The following ASIC2 variants were observed in gnomAD, a reference collection of about 807,000 sequenced individuals.
ASIC2 encodes the protein acid sensing ion channel subunit 2, also known as acid-sensing ion channel 2.
ASIC2 carries 25 observed loss-of-function variants against 57.3 expected under a neutral mutation model. The ratio of observed to expected loss-of-function variants is 0.44; its 90% CI spans 0.32 to 0.61. The LOEUF (loss-of-function observed/expected upper bound fraction) is 0.61, where lower values mean the gene tolerates loss of function less well. Ranked by LOEUF, ASIC2 falls within the 20% of genes least tolerant of loss-of-function variation. The pLI is 0.06. For missense variants in ASIC2, 641 were observed against 738.1 expected (o/e 0.87, Z 1.52); for synonymous variants, 319 against 307.5 (o/e 1.04, Z -0.39).
chr17:33,519,826 C>T (rs2141954410), intron 1 of ASIC2, among the ~76,000 whole-genome samples: 1 of 152,338 alleles, frequency 6.6e-6, no homozygotes, highest in East Asian at 1.9e-4. Flanking sequence ...GTTGCTGTAA[C>T]CGAGAGTGAG....
At chr17:33,826,946 A>G (rs933378978) in intron 1 of ASIC2, among the ~76,000 whole-genome samples, 7 of 152,220 alleles carry the variant, frequency 4.6e-5, no homozygotes, top group Non-Finnish European at 8.8e-5. Flanking sequence ...AGAATGGAGA[A>G]ACCTTTATGT....
intron 1 of ASIC2, among the ~76,000 whole-genome samples, chr17:34,103,369 G>T (rs1020249420): frequency 3.3e-5 from 5 of 152,022 alleles, no homozygotes; most frequent in Admixed American, 2.6e-4. Flanking sequence ...GCCCAGGCTG[G>T]TCTCAAATTC....
chr17:34,085,885 T>G (rs1193935958), intron 1 of ASIC2, among the ~76,000 whole-genome samples: 1 of 151,690 alleles, frequency 6.6e-6, no homozygotes, highest in African/African-American at 2.4e-5. Context: ...GGTGGTGACA[T>G]CCCCTTTATC....
chr17:33,624,896 A>G (rs1042365101), intron 1 of ASIC2, among the ~76,000 whole-genome samples: 2 of 152,220 alleles, frequency 1.3e-5, no homozygotes, highest in Admixed American at 1.3e-4. Flanking sequence ...TATGTCAAGA[A>G]CTAAGCTAGC....
chr17:34,061,715 C>T (rs1205199881), intron 1 of ASIC2, among the ~76,000 whole-genome samples: 2 of 152,014 alleles, frequency 1.3e-5, no homozygotes, highest in African/African-American at 4.8e-5. Context: ...AAAGTGAACA[C>T]GGGTAGCTAT....
intron 1 of ASIC2, among the ~76,000 whole-genome samples, chr17:33,872,925 TG>T (rs1914457490): frequency 6.6e-6 from 1 of 151,872 alleles, no homozygotes; most frequent in African/African-American, 2.4e-5. Flanking sequence ...TCCACAAGCC[TG>T]GGGTGGGAAC....
rs114003561 is a variant in ASIC2, at chr17:33,419,060, C to T, written c.556-306993G>A. On this transcript the variant is annotated intron_variant, in intron 1 of 9. Transcript: ENST00000359872. ...GGCACGTATATACCTATGTAAGAAACCTGCATGTCCTACACATGTACCCCA... is the reference window on the plus strand; with the variant it reads ...GGCACGTATATACCTATGTAAGAAATCTGCATGTCCTACACATGTACCCCA... 6.0e-3 allele frequency among the ~76,000 whole-genome samples: 906 copies of T among 152,202 alleles called. 12 individuals carry two copies. Among genetic ancestry groups the T allele is most frequent in the African/African-American group, 0.021 (852 of 41,520 alleles).
intron 1 of ASIC2, among the ~76,000 whole-genome samples, chr17:33,578,973 C>T (rs936507229): frequency 1.3e-5 from 2 of 152,192 alleles, no homozygotes; most frequent in East Asian, 1.9e-4. Context: ...CTAGGGAGCA[C>T]CTTGGAAGCG....
intron 1 of ASIC2, among the ~76,000 whole-genome samples, chr17:33,811,974 T>C (rs951594435): frequency 6.6e-6 from 1 of 152,226 alleles, no homozygotes; most frequent in Non-Finnish European, 1.5e-5. Flanking sequence ...CTGCTATTAC[T>C]ACCTCTCCCT....
chr17:33,200,866 G>A (rs1002571127), intron 1 of ASIC2, among the ~76,000 whole-genome samples: 11 of 152,084 alleles, frequency 7.2e-5, no homozygotes, highest in Admixed American at 3.3e-4. Context: ...ACTGTGATAA[G>A]GGCCTACAGT....
At chr17:33,030,018 A>G (rs2091875811) in intron 3 of ASIC2, among the ~76,000 whole-genome samples, 1 of 152,192 alleles carries the variant, frequency 6.6e-6, no homozygotes, top group African/African-American at 2.4e-5. Flanking sequence ...TTCTGGATTC[A>G]AGTCCTTTGT....
chr17:33,302,363 G>T (rs1330555378), intron 1 of ASIC2, among the ~76,000 whole-genome samples: 1 of 152,180 alleles, frequency 6.6e-6, no homozygotes, highest in Non-Finnish European at 1.5e-5. Context: ...GTAGAATGAG[G>T]CATTTTATTC....
intron 1 of ASIC2, among the ~76,000 whole-genome samples, chr17:33,826,636 G>T (rs12373133): frequency 0.13 from 19,162 of 152,186 alleles, 1,322 homozygotes; most frequent in Admixed American, 0.16. Context: ...GAATACAGGT[G>T]CTCCATCACA....
chr17:33,862,053 G>C (rs1308488630), intron 1 of ASIC2, among the ~76,000 whole-genome samples: 1 of 152,124 alleles, frequency 6.6e-6, no homozygotes, highest in Non-Finnish European at 1.5e-5. Context: ...AAACTTCACA[G>C]GTCACACCTT....
rs1567718987 is a variant in ASIC2, at chr17:33,799,415, CTTTCTTTCTTTCTTCTTTCT to C, written c.555+356543_555+356562del. On this transcript the variant is annotated intron_variant, in intron 1 of 9. Transcript: ENST00000359872. Reference sequence around the variant, plus strand: ...CTTTCTTTCTTTCTTTTCTTTCTTTCTTTCTTTCTTTCTTCTTTCTTTCTTTCTTTCTTTCTTTCTTTCTT... The same window carrying C: ...CTTTCTTTCTTTCTTTTCTTTCTTTCTTCTTTCTTTCTTTCTTTCTTTCTT... 5.4e-4 allele frequency among the ~76,000 whole-genome samples: 35 copies of C among 64,778 alleles called. 1 individual carries two copies. Among genetic ancestry groups the C allele is most frequent in the African/African-American group, 2.0e-3 (33 of 16,412 alleles). The allele number at this position is 64,778 out of a possible 152,430, so 42.5% of individuals were successfully genotyped here. A position where few individuals can be genotyped will look rare whatever the true frequency, so the allele number is the denominator to read the frequency against.
chr17:33,144,595 A>G (rs1264383180), intron 1 of ASIC2, among the ~76,000 whole-genome samples: 4 of 152,176 alleles, frequency 2.6e-5, no homozygotes, highest in Non-Finnish European at 5.9e-5. Context: ...GTAGGGGTTT[A>G]ATACCCTGTG....
At chr17:33,566,707 G>A (rs1916244591) in intron 1 of ASIC2, among the ~76,000 whole-genome samples, 1 of 152,184 alleles carries the variant, frequency 6.6e-6, no homozygotes, top group East Asian at 1.9e-4. Context: ...CTATCTCCAG[G>A]ATTCCCTTTG....
chr17:34,147,500 C>A (rs774530299), intron 1 of ASIC2, among the ~76,000 whole-genome samples: 68 of 152,178 alleles, frequency 4.5e-4, no homozygotes, highest in Admixed American at 1.2e-3. Flanking sequence ...TAAAGCCCAA[C>A]CTGATAAACA....
chr17:33,405,998 A>T (rs1045234249), intron 1 of ASIC2, among the ~76,000 whole-genome samples: 2 of 150,752 alleles, frequency 1.3e-5, no homozygotes, highest in African/African-American at 4.9e-5. Context: ...TGCCTTTCCC[A>T]TGGAAAATGC....
Sources: allele counts gnomAD v4.1 joint callset (sites outside exome capture counted in the v4.1 genomes callset), GRCh38; gene constraint gnomAD v4.1.1; transcripts MANE v1.5; gene names NCBI Gene and HGNC (gene_info 2026-07-23, HGNC 2026-07-21).